The following DGKG variants were observed in gnomAD, a reference collection of about 807,000 sequenced individuals.
The protein encoded by DGKG is diacylglycerol kinase gamma, also known as DAG kinase gamma.
A neutral mutation model predicts 105.3 loss-of-function variants in DGKG; 78 were observed. The observed-to-expected ratio is 0.74, with a 90% CI of 0.62 to 0.89. The LOEUF (loss-of-function observed/expected upper bound fraction) is 0.89. DGKG is among the 40% of genes least tolerant of loss of function. The pLI is 0.00. For missense variants in DGKG, 958 were observed against 1,020.1 expected (o/e 0.94, Z 0.83); for synonymous variants, 346 against 367.1 (o/e 0.94, Z 0.66).
At chr3:186,327,633 G>A (rs1024649079) in intron 1 of DGKG, among the ~76,000 whole-genome samples, 2 of 151,010 alleles carry the variant, frequency 1.3e-5, no homozygotes, top group Non-Finnish European at 2.9e-5. Flanking sequence ...GGCTGATCTC[G>A]AACTCCTGGG....
chr3:186,268,608 C>T (rs779130196), intron 12 of DGKG, among the ~76,000 whole-genome samples, 193 bp downstream of exon 12: 4 of 152,202 alleles, frequency 2.6e-5, no homozygotes, highest in Non-Finnish European at 1.5e-5. Flanking sequence ...CGGGGGTGCC[C>T]TCTCTCTGGG....
rs1718987092 is a variant in DGKG, at chr3:186,210,567, A to G, written c.1917+1228T>C. 14 of 453,728 alleles carry G rather than the reference A, an allele frequency of 3.1e-5. No homozygotes were observed. The highest frequency in any genetic ancestry group is 2.0e-4 in the South Asian group (13 of 64,468). The allele number at this position is 453,728 out of a possible 1,614,324, so 28.1% of individuals were successfully genotyped here. On this transcript the variant is annotated intron_variant, in intron 21 of 24. Transcript: ENST00000265022. This position sits in a 1 kb window ranked among gnomAD's most constrained non-coding sequence, Gnocchi z 5.2. ...AAGAGGAGAGGCAGGCAGATGAGTC[A>G]AATGCAGCCGCACAGAACCTCTGGC... is the stretch of plus-strand genomic sequence containing the variant.
At chr3:186,170,100 G>C (rs940365323) in intron 22 of DGKG, among the ~76,000 whole-genome samples, 5 of 152,346 alleles carry the variant, frequency 3.3e-5, no homozygotes, top group South Asian at 4.1e-4. Flanking sequence ...GGAGAAATGA[G>C]GCTAGGCCAG....
At chr3:186,211,060 G>A (rs763592544) in intron 21 of DGKG, among the ~76,000 whole-genome samples, 16 of 152,176 alleles carry the variant, frequency 1.1e-4, no homozygotes, top group Admixed American at 5.2e-4. Flanking sequence ...GGGGAGGGGA[G>A]CCAGCAGGCA....
intron 23 of DGKG, 131 bp from the exon 24 acceptor site, chr3:186,161,794 G>A (rs1008752427): frequency 2.2e-6 from 3 of 1,390,996 alleles, no homozygotes; most frequent in Middle Eastern, 1.9e-4. Flanking sequence ...AGACTCTTTT[G>A]GAGAACTTGT....
chr3:186,295,514 T>C (rs1036683915), intron 5 of DGKG, among the ~76,000 whole-genome samples: 29 of 147,574 alleles, frequency 2.0e-4, no homozygotes, highest in Non-Finnish European at 3.7e-4. Flanking sequence ...ATAATAATAA[T>C]AATAATAATA....
intron 20 of DGKG, among the ~76,000 whole-genome samples, chr3:186,224,880 G>A (rs992150138): frequency 6.6e-6 from 1 of 152,108 alleles, no homozygotes; most frequent in Non-Finnish European, 1.5e-5. Context: ...TGGTAAGTCT[G>A]TTAGCTGCTG....
chr3:186,285,724 G>A (rs1453201768), intron 6 of DGKG, among the ~76,000 whole-genome samples: 1 of 146,340 alleles, frequency 6.8e-6, no homozygotes, highest in African/African-American at 2.5e-5. Flanking sequence ...TTGTCGCCCA[G>A]GCTGGAGTGC....
chr3:186,305,864 C>T (rs148883976), intron 3 of DGKG, among the ~76,000 whole-genome samples: 165 of 152,236 alleles, frequency 1.1e-3, no homozygotes, highest in Non-Finnish European at 2.1e-3. Context: ...TTGTCATTTA[C>T]TGAAATGGAG....
chr3:186,267,211 G>A lies in DGKG; in HGVS notation c.1209+474C>T, dbSNP rs141790513. On this transcript the variant is annotated intron_variant, in intron 13 of 24. Coordinates refer to ENST00000265022, the MANE Select transcript of DGKG (RefSeq NM_001346.3). ...AGGTTGGGAGCCTGGCCATGCATAG[G>A]TGGTGACTGAGGTTCCTTGTGCTGT... Among the ~76,000 whole-genome samples, 489 of 152,280 alleles carry A rather than the reference G, an allele frequency of 3.2e-3. 3 individuals carry two copies. The highest frequency in any genetic ancestry group is 0.011 in the African/African-American group (472 of 41,542).
At chr3:186,233,212 C>T (rs1018522345) in intron 20 of DGKG, among the ~76,000 whole-genome samples, 4 of 152,028 alleles carry the variant, frequency 2.6e-5, no homozygotes, top group African/African-American at 4.8e-5. Context: ...GTGCAATCAG[C>T]GTTCTCATAA....
Position 186,188,294 on chromosome 3 carries a change from T to C in DGKG, c.2003A>G (p.Asn668Ser), listed in dbSNP as rs760717232. 1.2e-5 allele frequency: 19 copies of C among 1,614,034 alleles called. No homozygotes were observed. Among genetic ancestry groups the C allele is most frequent in the Non-Finnish European group, 1.4e-5 (16 of 1,180,044 alleles). The change falls in exon 22 of 25, where the codon AAT (asparagine) becomes AGT (serine). Residue 668 changes from asparagine (N) to serine (S), a missense_variant. This residue lies in a region of DGKG where 315 missense variants were observed against 400.6 expected (regional missense o/e 0.79). Coordinates refer to ENST00000265022, the MANE Select transcript of DGKG (RefSeq NM_001346.3). ...LNIPSMYGGT[N>S]LWGENKKNRA... Reference sequence around the variant, plus strand: ...GTTCTTCTTGTTTTCTCCCCAGAGATTGGTGCCTCCGTACATGCTGGGAAT... The same window carrying C: ...GTTCTTCTTGTTTTCTCCCCAGAGACTGGTGCCTCCGTACATGCTGGGAAT...
At chr3:186,266,033 G>A (rs1450615561) in intron 13 of DGKG, among the ~76,000 whole-genome samples, 2 of 151,634 alleles carry the variant, frequency 1.3e-5, no homozygotes, top group Admixed American at 1.3e-4. Context: ...TCTTGGTTTT[G>A]TTTGTTTTTC....
At chr3:186,160,120 A>G (rs1716224761) in intron 24 of DGKG, 1 of 878,440 alleles carries the variant, frequency 1.1e-6, no homozygotes, top group Non-Finnish European at 1.4e-6. Context: ...ACCTTTACAT[A>G]CGGATTTCTG....
At chr3:186,360,596 G>A (rs1402211111) in intron 1 of DGKG, among the ~76,000 whole-genome samples, 4 of 152,174 alleles carry the variant, frequency 2.6e-5, no homozygotes, top group Admixed American at 6.5e-5. Context: ...ATATAAAGGG[G>A]TGTGTGTCTG....
intron 19 of DGKG, among the ~76,000 whole-genome samples, chr3:186,250,204 C>T (rs992774300): frequency 1.3e-5 from 2 of 152,146 alleles, no homozygotes; most frequent in Non-Finnish European, 2.9e-5. Flanking sequence ...TATGTACAGT[C>T]TAGCACTGTG....
intron 22 of DGKG, among the ~76,000 whole-genome samples, chr3:186,176,703 C>T (rs1166028809): frequency 2.6e-5 from 4 of 152,216 alleles, no homozygotes; most frequent in Non-Finnish European, 4.4e-5. Flanking sequence ...AAATATTCCT[C>T]GGGGGTGCTG....
In DGKG at chr3:186,281,577, C is replaced by A. The variant is rs575131044; in HGVS notation, c.595-833G>T. Among the ~76,000 whole-genome samples, 3 of 152,204 alleles carry A rather than the reference C, an allele frequency of 2.0e-5. No homozygotes were observed. The South Asian group carries it at 6.2e-4, about 32-fold the overall frequency. ...GTGTTACCTCTGCCAGATAGAATGC[C>A]GGGTCCAAATAGCAAGCTAAAACCC... is the stretch of plus-strand genomic sequence containing the variant. On this transcript the variant is annotated intron_variant, in intron 7 of 24. Transcript: ENST00000265022.
At chr3:186,180,705 GA>G (rs1236934213) in intron 22 of DGKG, among the ~76,000 whole-genome samples, 1 of 152,184 alleles carries the variant, frequency 6.6e-6, no homozygotes, top group Non-Finnish European at 1.5e-5. Flanking sequence ...TCATAAAGGT[GA>G]AAAGAAAGCC....
Sources: gnomAD v4.1 joint callset for allele counts (sites outside exome capture counted in the v4.1 genomes callset) on GRCh38, gnomAD v4.1.1 for gene constraint, gnomAD v4.1.1 regional missense constraint, Gnocchi (gnomAD v3.1) non-coding constraint, MANE v1.5 for transcripts, NCBI Gene and HGNC (gene_info 2026-07-23, HGNC 2026-07-21) for gene names.